Variants in UNC5B observed in about 807,000 individuals in gnomAD.
UNC5B encodes the protein unc-5 netrin receptor B.
A neutral mutation model predicts 103.7 loss-of-function variants in UNC5B; 56 were observed. The ratio of observed to expected loss-of-function variants is 0.54; its 90% confidence interval spans 0.44 to 0.67. The LOEUF is 0.67. Ranked by LOEUF, UNC5B falls within the 30% of genes least tolerant of loss-of-function variation. UNC5B has a pLI of 0.00. For missense variants in UNC5B, 1,194 were observed against 1,284.5 expected, an observed-to-expected ratio of 0.93 and a Z score of 1.08; for synonymous variants, 577 against 542.0, an observed-to-expected ratio of 1.06 and a Z score of -0.90.
At chr10:71,244,180 A>G (rs1843969670) in intron 1 of UNC5B, among the ~76,000 whole-genome samples, 1 of 152,252 alleles carries the variant, frequency 6.6e-6, no homozygotes, top group African/African-American at 2.4e-5. Flanking sequence ...AACTCCCTGC[A>G]CAACACGCCC....
intron 1 of UNC5B, among the ~76,000 whole-genome samples, chr10:71,241,543 G>A (rs972700140): frequency 1.3e-5 from 2 of 152,180 alleles, no homozygotes; most frequent in African/African-American, 4.8e-5. Flanking sequence ...CTGAGCAGGG[G>A]GAGGCTGCAG....
chr10:71,292,603 C>A, intron 11 of UNC5B, 49 bp downstream of exon 11: 1 of 1,525,602 alleles, frequency 6.6e-7, no homozygotes, highest in East Asian at 2.4e-5. Flanking sequence ...CCATCCCTTG[C>A]TGCCTGCCCA....
chr10:71,248,867 TCACACACACA>T (rs56852987), intron 1 of UNC5B, among the ~76,000 whole-genome samples: 27 of 26,596 alleles, frequency 1.0e-3, no homozygotes, highest in East Asian at 8.8e-3. Flanking sequence ...TCTCTCTCTC[TCACACACACA>T]CACACACACA....
chr10:71,217,461 G>A (rs912639764), intron 1 of UNC5B: 1 of 152,144 alleles, frequency 6.6e-6, no homozygotes, highest in Non-Finnish European at 1.5e-5. Context: ...GGATCTTTTT[G>A]GGGGAAGCTG....
In UNC5B at chr10:71,289,076, G is replaced by T. The variant is rs1845177355; in HGVS notation, c.1099+86G>T. The T allele has an allele frequency of 2.5e-6, 4 of 1,591,706 alleles. No individual in the cohort carries two copies. In the Admixed American group the frequency reaches 5.1e-5, roughly 20 times the overall value. On this transcript the variant is annotated intron_variant, in intron 8 of 16. Transcript: ENST00000335350. ...GCTTTTCCCGGGATCAGGGTGCAGG[G>T]CAGGGAGAGCTGAAGGTGCCTACCC...
intron 12 of UNC5B, 50 bp from the exon 13 acceptor site, chr10:71,293,650 C>T (rs751505583): frequency 5.0e-6 from 8 of 1,605,770 alleles, no homozygotes; most frequent in Non-Finnish European, 6.8e-6. Context: ...TTTCCTCTGG[C>T]CCAGCCTGAA....
intron 7 of UNC5B, 104 bp from the exon 8 acceptor site, chr10:71,288,854 C>T (rs1845165121): frequency 3.2e-6 from 5 of 1,557,550 alleles, no homozygotes; most frequent in Middle Eastern, 1.7e-4. Context: ...GGGCCTCTGT[C>T]CCCCCACCAC....
intron 1 of UNC5B, among the ~76,000 whole-genome samples, chr10:71,245,485 C>T (rs1165363756): frequency 6.6e-6 from 1 of 152,164 alleles, no homozygotes; most frequent in Admixed American, 6.5e-5. Context: ...AGGCCCTGAG[C>T]CCTCAGAGCT....
At chr10:71,291,143 G>A (rs1845242900) in intron 9 of UNC5B, 34 bp downstream of exon 9, 4 of 1,594,760 alleles carry the variant, frequency 2.5e-6, no homozygotes, top group African/African-American at 2.7e-5. Context: ...GTGGTTGGCA[G>A]AGGCAGGATA....
rs1324498871 is a variant in UNC5B at position 71,300,999 on chromosome 10, G to C, written c.*1722G>C. ...ATGGCACGGGATGAGTCCCTGCCCTGTGCAGCTGCCTGGCAGTGGCTGGGA... is the reference window on the plus strand; with the variant it reads ...ATGGCACGGGATGAGTCCCTGCCCTCTGCAGCTGCCTGGCAGTGGCTGGGA... On this transcript the variant is annotated 3_prime_UTR_variant, in exon 17 of 17. Coordinates refer to ENST00000335350, the MANE Select transcript of UNC5B (RefSeq NM_170744.5). 2 of 152,370 alleles carry C rather than the reference G, an allele frequency of 1.3e-5. No individual in the cohort carries two copies. The highest frequency in any genetic ancestry group is 3.8e-4 in the East Asian group (2 of 5,200). 9.4% of individuals were successfully genotyped at this position (152,370 alleles called of 1,614,324 possible).
At chr10:71,265,093 GC>G in intron 1 of UNC5B, among the ~76,000 whole-genome samples, 1 of 152,212 alleles carries the variant, frequency 6.6e-6, no homozygotes, top group African/African-American at 2.4e-5. Context: ...GCAAACTGGG[GC>G]TAATGATAAG....
intron 1 of UNC5B, among the ~76,000 whole-genome samples, chr10:71,221,957 A>G (rs1017167490): frequency 5.9e-5 from 9 of 152,202 alleles, no homozygotes; most frequent in Non-Finnish European, 1.2e-4. Context: ...AGTGTGTTGC[A>G]TATTCTGAAG....
intron 1 of UNC5B, among the ~76,000 whole-genome samples, chr10:71,255,088 A>G (rs1399209916): frequency 1.3e-5 from 2 of 152,180 alleles, no homozygotes; most frequent in Admixed American, 1.3e-4. Context: ...ACATTATTCC[A>G]TGAATCTTTC....
rs756761925 is a variant in UNC5B, at chr10:71,287,654, C to T, written c.790C>T (p.Arg264Ter). ...GTCACCCTGCTCCAACCGCTGTGGC[C>T]GAGGCTGGCAGAAGCGCACCCGGAC... ...EWSPCSNRCGRGWQKRTRTCT... is the reference protein window; with the variant it reads ...EWSPCSNRCG The change falls in exon 6 of 17, where the codon CGA becomes TGA. Residue 264 changes from arginine (R) to a stop codon, truncating the protein, a stop_gained. Coordinates refer to ENST00000335350, the MANE Select transcript of UNC5B (RefSeq NM_170744.5). LOFTEE classifies it high-confidence loss of function. The T allele has an allele frequency of 1.9e-6, 3 of 1,612,656 alleles. No individual in the cohort carries two copies. Among genetic ancestry groups the T allele is most frequent in the South Asian group, 2.2e-5 (2 of 90,922 alleles).
chr10:71,251,672 T>C (rs537044203), intron 1 of UNC5B, among the ~76,000 whole-genome samples: 2 of 152,352 alleles, frequency 1.3e-5, no homozygotes, highest in African/African-American at 4.8e-5. Flanking sequence ...GTATACATGG[T>C]TCCTGCAAAG....
chr10:71,289,660 G>A (rs1361570286), intron 8 of UNC5B, among the ~76,000 whole-genome samples: 2 of 152,258 alleles, frequency 1.3e-5, no homozygotes, highest in African/African-American at 4.8e-5. Flanking sequence ...TCGGGCTGGG[G>A]ATGATTCAAG....
intron 8 of UNC5B, among the ~76,000 whole-genome samples, chr10:71,290,503 C>T (rs1191068360): frequency 6.6e-6 from 1 of 152,202 alleles, no homozygotes; most frequent in African/African-American, 2.4e-5. Flanking sequence ...ACCTTATCTA[C>T]ATACAAAGAT....
intron 2 of UNC5B, 128 bp from the exon 3 acceptor site, chr10:71,284,590 CAA>C (rs1845016368): frequency 2.2e-6 from 3 of 1,350,318 alleles, no homozygotes; most frequent in African/African-American, 1.4e-5. Context: ...AGACAGGAGA[CAA>C]GAGGAATGGA....
At chr10:71,219,877 A>T (rs1181476331) in intron 1 of UNC5B, among the ~76,000 whole-genome samples, 1 of 152,230 alleles carries the variant, frequency 6.6e-6, no homozygotes, top group African/African-American at 2.4e-5. Flanking sequence ...GCAGGTGATG[A>T]GTGCCAGACC....
Sources: allele counts gnomAD v4.1 joint callset (sites outside exome capture counted in the v4.1 genomes callset), GRCh38; gene constraint gnomAD v4.1.1; transcripts MANE v1.5; gene names NCBI Gene and HGNC (gene_info 2026-07-23, HGNC 2026-07-21).